HMGA2: variants seen among roughly 807,000 people sequenced by gnomAD.
HMGA2 encodes the protein high mobility group AT-hook 2.
In HMGA2, 8 loss-of-function variants were observed where a neutral mutation model predicts 19.1. That is an observed-to-expected ratio of 0.42 (90% CI 0.25 to 0.76). HMGA2 has a LOEUF of 0.76. HMGA2 is among the 30% of genes least tolerant of loss of function. The probability of loss-of-function intolerance (pLI) is 0.28; values close to 1 mark genes in which losing one functional copy is unlikely to be tolerated. For missense variants in HMGA2, 109 were observed against 136.3 expected (o/e 0.80, Z 1.00); for synonymous variants, 60 against 48.8 (o/e 1.23, Z -0.96).
At chr12:65,912,178 G>T (rs969444793) in intron 3 of HMGA2, among the ~76,000 whole-genome samples, 4 of 152,082 alleles carry the variant, frequency 2.6e-5, no homozygotes. Context: ...TCAGGTAAAT[G>T]ATAAATATTA....
intron 3 of HMGA2, among the ~76,000 whole-genome samples, chr12:65,855,786 A>C (rs188635512): frequency 6.6e-6 from 1 of 152,248 alleles, no homozygotes; most frequent in East Asian, 1.9e-4. Flanking sequence ...CAATGTGATC[A>C]TTATGGGATT....
At chr12:65,864,184 G>C (rs980021514) in intron 3 of HMGA2, among the ~76,000 whole-genome samples, 2 of 152,084 alleles carry the variant, frequency 1.3e-5, no homozygotes, top group Non-Finnish European at 2.9e-5. Context: ...TTTCCATCGT[G>C]CTTATTTGCT....
rs1354522882 is a variant in HMGA2, at chr12:65,965,723, A to C, written c.*2431A>C. ...GCTCATAAAATGGAAGCAATTGCTC[A>C]TGTTGGCCAAACATGGTGCACCGAG... On this transcript the variant is annotated 3_prime_UTR_variant, in exon 5 of 5. Coordinates refer to ENST00000403681, the MANE Select transcript of HMGA2 (RefSeq NM_003483.6). 9.0e-6 allele frequency: 2 copies of C among 223,030 alleles called. No homozygotes were observed. Among genetic ancestry groups the C allele is most frequent in the Non-Finnish European group, 1.8e-5 (2 of 111,476 alleles). The allele number at this position is 223,030 out of a possible 1,614,324, so 13.8% of individuals were successfully genotyped here.
chr12:65,848,175 C>T (rs1399236214), intron 3 of HMGA2, among the ~76,000 whole-genome samples: 1 of 152,164 alleles, frequency 6.6e-6, no homozygotes, highest in African/African-American at 2.4e-5. Context: ...AAAATAGACT[C>T]TTATGCTGTA....
intron 3 of HMGA2, among the ~76,000 whole-genome samples, chr12:65,866,562 C>G (rs935992456): frequency 2.6e-5 from 4 of 152,050 alleles, no homozygotes; most frequent in African/African-American, 9.7e-5. Flanking sequence ...GGCGGAACAT[C>G]CAAGGGATAT....
intron 3 of HMGA2, among the ~76,000 whole-genome samples, chr12:65,863,315 G>C (rs1872209057): frequency 6.6e-6 from 1 of 151,890 alleles, no homozygotes; most frequent in South Asian, 2.1e-4. Context: ...GGCTCCAGAA[G>C]TTGGCTGTAC....
intron 3 of HMGA2, among the ~76,000 whole-genome samples, chr12:65,941,899 T>C (rs1340517234): frequency 6.6e-6 from 1 of 152,226 alleles, no homozygotes. Context: ...TGTAAGCTTA[T>C]GGGCAAGCAT....
chr12:65,888,424 C>T (rs545689198), intron 3 of HMGA2, among the ~76,000 whole-genome samples: 51 of 151,234 alleles, frequency 3.4e-4, no homozygotes, highest in Middle Eastern at 3.4e-3. Flanking sequence ...CACTGCACTC[C>T]AGCCTGGGCG....
intron 3 of HMGA2, among the ~76,000 whole-genome samples, chr12:65,871,555 T>A (rs1343148245): frequency 1.3e-5 from 2 of 152,252 alleles, no homozygotes; most frequent in East Asian, 3.8e-4. Flanking sequence ...CATGAGAATT[T>A]TGAATGTTCT....
chr12:65,873,233 G>A (rs572770117), intron 3 of HMGA2, among the ~76,000 whole-genome samples: 1 of 152,316 alleles, frequency 6.6e-6, no homozygotes, highest in South Asian at 2.1e-4. Flanking sequence ...CATAGTGTGT[G>A]TCTTATAAAA....
chr12:65,847,204 T>C (rs1871268092), intron 3 of HMGA2, among the ~76,000 whole-genome samples: 1 of 152,160 alleles, frequency 6.6e-6, no homozygotes, highest in African/African-American at 2.4e-5. Flanking sequence ...ACAAAATGTA[T>C]ACAGATTTGA....
chr12:65,960,442 T>C lies in HMGA2; in HGVS notation c.283-2803T>C, dbSNP rs185155932. On this transcript the variant is annotated intron_variant, in intron 4 of 4. Coordinates refer to ENST00000403681, the MANE Select transcript of HMGA2 (RefSeq NM_003483.6). ...GAGGATTTTTCTTCTCTTCATTGAA[T>C]GCACACTTGTCGTACAGAATCCGCA... is the stretch of plus-strand genomic sequence containing the variant. 7.9e-5 allele frequency among the ~76,000 whole-genome samples: 12 copies of C among 152,310 alleles called. No individual in the cohort carries two copies. In the East Asian group the frequency reaches 2.3e-3, roughly 30 times the overall value.
At chr12:65,939,467 TGC>T (rs1216048308) in intron 3 of HMGA2, among the ~76,000 whole-genome samples, 3 of 152,086 alleles carry the variant, frequency 2.0e-5, no homozygotes, top group South Asian at 2.1e-4. Context: ...GCTATTCTTT[TGC>T]CTCAGCCTCC....
intron 3 of HMGA2, among the ~76,000 whole-genome samples, chr12:65,895,258 A>AT (rs1469874983): frequency 6.6e-6 from 1 of 152,196 alleles, no homozygotes; most frequent in Non-Finnish European, 1.5e-5. Context: ...AAGCAAGTCT[A>AT]TAACAAGATT....
chr12:65,838,536 A>G lies in HMGA2; in HGVS notation c.216A>G (p.Gly72=), dbSNP rs746857285. ...KAAQKKAEAT[G]EKRPRGRPRK... The stretch of plus-strand genomic sequence containing the variant: ...ATTTGCAGAAAGCAGAAGCCACTGG[A>G]GAAAAACGGCCAAGAGGCAGACCTA... The change falls in exon 3 of 5, where the codon GGA becomes GGG. Residue 72 remains glycine (G), a synonymous_variant. Transcript: ENST00000403681. 4 of 1,612,334 alleles carry G rather than the reference A, an allele frequency of 2.5e-6. No individual in the cohort carries two copies. The highest frequency in any genetic ancestry group is 2.2e-5 in the East Asian group (1 of 44,836).
intron 2 of HMGA2, chr12:65,828,461 G>A: frequency 9.1e-6 from 2 of 220,094 alleles, no homozygotes; most frequent in Non-Finnish European, 1.8e-5. Flanking sequence ...TTTGCCTGGT[G>A]GTAAAGTTTT....
chr12:65,916,262 G>A (rs1875096916), intron 3 of HMGA2, among the ~76,000 whole-genome samples: 1 of 152,180 alleles, frequency 6.6e-6, no homozygotes, highest in Non-Finnish European at 1.5e-5. Context: ...TCTCAAGGAG[G>A]TAGAAGAATA....
At chr12:65,878,938 C>G (rs1873204757) in intron 3 of HMGA2, among the ~76,000 whole-genome samples, 1 of 152,206 alleles carries the variant, frequency 6.6e-6, no homozygotes, top group Admixed American at 6.5e-5. Context: ...AAGTGTAATA[C>G]TGCCTAAGCT....
At chr12:65,961,341 T>G (rs576332091) in intron 4 of HMGA2, among the ~76,000 whole-genome samples, 182 of 152,324 alleles carry the variant, frequency 1.2e-3, no homozygotes, top group Admixed American at 1.9e-3. Context: ...CTCGTCTCTC[T>G]TTCGTCTGCC....
Sources: gnomAD v4.1 joint callset for allele counts (sites outside exome capture counted in the v4.1 genomes callset) on GRCh38, gnomAD v4.1.1 for gene constraint, MANE v1.5 for transcripts, NCBI Gene and HGNC (gene_info 2026-07-23, HGNC 2026-07-21) for gene names.